CCDC102B: variants seen among roughly 807,000 people sequenced by gnomAD.
The protein encoded by CCDC102B is coiled-coil domain containing 102B.
CCDC102B carries 75 observed loss-of-function variants against 57.4 expected under a neutral mutation model. The observed-to-expected ratio is 1.31, with a 90% CI of 1.08 to 1.58. The LOEUF (loss-of-function observed/expected upper bound fraction) is 1.58, where lower values mean the gene tolerates loss of function less well. CCDC102B is among the 40% of genes most tolerant of loss of function. The pLI is 0.00. For synonymous variants in CCDC102B, 206 were observed against 201.9 expected (o/e 1.02, Z -0.17); for missense variants, 636 against 582.6 (o/e 1.09, Z -0.94).
At chr18:69,025,042 C>T (rs1019658599) in intron 7 of CCDC102B, among the ~76,000 whole-genome samples, 28 of 151,934 alleles carry the variant, frequency 1.8e-4, no homozygotes, top group Non-Finnish European at 4.0e-4. Flanking sequence ...TAAATATAAT[C>T]ATGCTTTAAT....
At chr18:68,975,948 G>T (rs1246125001) in intron 6 of CCDC102B, among the ~76,000 whole-genome samples, 1 of 151,456 alleles carries the variant, frequency 6.6e-6, no homozygotes, top group Non-Finnish European at 1.5e-5. Flanking sequence ...GCCTTTATTA[G>T]TACGGACAGC....
rs751886467 is a variant in CCDC102B at position 69,054,074 on chromosome 18, G to A, written c.1479G>A (p.Leu493=). The change falls in exon 8 of 8, where the codon CTG becomes CTA. Residue 493 remains leucine (L), a synonymous_variant. Transcript: ENST00000360242. The part of the protein sequence containing the change: ...LNQIRKLQRS[L]DEEKERNENL... ...AGATCCGTAAGCTCCAGAGGTCTCTGGATGAAGAGAAAGAAAGAAATGAAA... is the reference window on the plus strand; with the variant it reads ...AGATCCGTAAGCTCCAGAGGTCTCTAGATGAAGAGAAAGAAAGAAATGAAA... 1.2e-6 allele frequency: 2 copies of A among 1,606,682 alleles called. No individual in the cohort carries two copies. The highest frequency in any genetic ancestry group is 1.3e-5 in the African/African-American group (1 of 74,536).
At chr18:68,817,727 G>C (rs2036540160) in intron 1 of CCDC102B, among the ~76,000 whole-genome samples, 1 of 152,106 alleles carries the variant, frequency 6.6e-6, no homozygotes, top group African/African-American at 2.4e-5. Flanking sequence ...GGTAAACATA[G>C]GAAAATTGAT....
At chr18:68,809,939 C>T (rs1318941847) in intron 1 of CCDC102B, among the ~76,000 whole-genome samples, 4 of 152,010 alleles carry the variant, frequency 2.6e-5, no homozygotes, top group Admixed American at 6.6e-5. Flanking sequence ...TTTTGTTTCA[C>T]GTGAGTTACT....
intron 6 of CCDC102B, among the ~76,000 whole-genome samples, chr18:69,006,804 A>G (rs1436687336): frequency 6.6e-6 from 1 of 152,144 alleles, no homozygotes; most frequent in Non-Finnish European, 1.5e-5. Flanking sequence ...AGAGGATATG[A>G]ATTAATGGAT....
chr18:69,008,178 A>C (rs2051404847), intron 6 of CCDC102B, among the ~76,000 whole-genome samples: 1 of 152,202 alleles, frequency 6.6e-6, no homozygotes, highest in Non-Finnish European at 1.5e-5. Context: ...TGTTGTTCCA[A>C]ATAATAGAAT....
At chr18:68,818,842 G>C (rs577932165) in intron 1 of CCDC102B, among the ~76,000 whole-genome samples, 1 of 152,186 alleles carries the variant, frequency 6.6e-6, no homozygotes, top group South Asian at 2.1e-4. Flanking sequence ...GGTTTCCATT[G>C]CAGTTTTAAT....
intron 4 of CCDC102B, among the ~76,000 whole-genome samples, chr18:68,848,973 T>A (rs2037998630): frequency 6.6e-6 from 1 of 152,142 alleles, no homozygotes; most frequent in Non-Finnish European, 1.5e-5. Context: ...TTGCTTGGAA[T>A]GTTCTAATAT....
chr18:69,049,760 A>C (rs1408896752), intron 7 of CCDC102B, among the ~76,000 whole-genome samples: 1 of 149,322 alleles, frequency 6.7e-6, no homozygotes, highest in African/African-American at 2.5e-5. Context: ...GTTCAAAGCC[A>C]AGACCTCTCA....
intron 7 of CCDC102B, among the ~76,000 whole-genome samples, chr18:69,015,351 G>A (rs1216174752): frequency 6.6e-6 from 1 of 152,130 alleles, no homozygotes; most frequent in Non-Finnish European, 1.5e-5. Context: ...GCAGTTGTAA[G>A]GTAACCAGTT....
At chr18:68,917,099 C>G (rs1216344440) in intron 6 of CCDC102B, among the ~76,000 whole-genome samples, 1 of 152,204 alleles carries the variant, frequency 6.6e-6, no homozygotes, top group Non-Finnish European at 1.5e-5. Flanking sequence ...TCCCATTGTT[C>G]ATAGCTTTGT....
intron 4 of CCDC102B, among the ~76,000 whole-genome samples, chr18:68,854,546 A>T (rs2038296566): frequency 6.6e-6 from 1 of 152,182 alleles, no homozygotes; most frequent in Non-Finnish European, 1.5e-5. Context: ...ATAAAAAAAA[A>T]ATTCTGTATG....
chr18:68,801,057 T>G (rs2035833417), intron 1 of CCDC102B, among the ~76,000 whole-genome samples: 2 of 152,166 alleles, frequency 1.3e-5, no homozygotes, highest in African/African-American at 4.8e-5. Flanking sequence ...TATCATTTTA[T>G]GAACATACTG....
chr18:68,811,733 A>C (rs574215791), intron 1 of CCDC102B, among the ~76,000 whole-genome samples: 34 of 152,300 alleles, frequency 2.2e-4, no homozygotes, highest in African/African-American at 7.9e-4. Context: ...GAAAGGAAGA[A>C]GGCTTTCTGG....
intron 1 of CCDC102B, among the ~76,000 whole-genome samples, chr18:68,817,575 A>T (rs1259079485): frequency 6.6e-6 from 1 of 152,186 alleles, no homozygotes; most frequent in Non-Finnish European, 1.5e-5. Flanking sequence ...TCTTTGTGTT[A>T]TTGCTCATTA....
intron 7 of CCDC102B, among the ~76,000 whole-genome samples, chr18:69,036,686 T>A (rs2052301459): frequency 6.6e-6 from 1 of 152,030 alleles, no homozygotes; most frequent in Non-Finnish European, 1.5e-5. Flanking sequence ...CCCTGCTGCA[T>A]GGGATTTGCA....
intron 7 of CCDC102B, among the ~76,000 whole-genome samples, chr18:69,020,741 A>G (rs1025325217): frequency 1.3e-5 from 2 of 152,212 alleles, no homozygotes; most frequent in African/African-American, 4.8e-5. Context: ...TAACTGTGGT[A>G]TCCTTTGAAT....
intron 1 of CCDC102B, among the ~76,000 whole-genome samples, chr18:68,820,624 T>C (rs1418149665): frequency 3.9e-5 from 6 of 152,104 alleles, no homozygotes; most frequent in African/African-American, 1.4e-4. Context: ...GTTAAGAAAA[T>C]TTCTTCTTTT....
At chr18:68,844,804 A>G (rs1437947713) in intron 3 of CCDC102B, among the ~76,000 whole-genome samples, 1 of 151,898 alleles carries the variant, frequency 6.6e-6, no homozygotes, top group African/African-American at 2.4e-5. Context: ...ATATCATTAT[A>G]AGCAACTTGG....
Sources: allele counts gnomAD v4.1 joint callset (sites outside exome capture counted in the v4.1 genomes callset), GRCh38; gene constraint gnomAD v4.1.1; transcripts MANE v1.5; gene names NCBI Gene and HGNC (gene_info 2026-07-23, HGNC 2026-07-21).